Variants in DHX35 observed in about 807,000 individuals in gnomAD.
The protein encoded by DHX35 is DEAH-box helicase 35.
Under a neutral mutation model 99.6 loss-of-function variants are expected in DHX35, and 84 were observed. That is an observed-to-expected ratio of 0.84 (90% CI 0.71 to 1.01). The LOEUF is 1.01. Among genes scored for constraint, DHX35 ranks in the 50% least tolerant of loss-of-function variants. The probability of loss-of-function intolerance (pLI) is 0.00; values close to 1 mark genes in which losing one functional copy is unlikely to be tolerated. For synonymous variants in DHX35, 331 were observed against 316.2 expected (o/e 1.05, Z -0.50); for missense variants, 852 against 888.5 (o/e 0.96, Z 0.52).
chr20:39,018,897 C>T lies in DHX35; in HGVS notation c.1496C>T (p.Ser499Leu). ...NPMFAKMLLE[S>L]GNFGCSQEIL... ...ATGTTTGCCAAAATGCTGCTTGAAT[C>T]AGGTGGGTAGAGCCTGATAGCTTGA... is the stretch of plus-strand genomic sequence containing the variant. Residue 499 changes from serine to leucine, a missense_variant and splice_region_variant, in exon 15 of 22, where the codon TCA becomes TTA. Ser to Leu is a moderately radical substitution (Grantham distance 145). Transcript: ENST00000252011. 1.2e-6 allele frequency: 2 copies of T among 1,613,888 alleles called. No individual in the cohort carries two copies. The highest frequency in any genetic ancestry group is 1.1e-5 in the South Asian group (1 of 91,068).
At chr20:39,030,304 T>TA (rs1227574270) in intron 19 of DHX35, 1 of 164,330 alleles carries the variant, frequency 6.1e-6, no homozygotes, top group Non-Finnish European at 1.3e-5. Context: ...TCATTATCGT[T>TA]ACGTCCCCCT....
chr20:38,997,206 G>A (rs1033686727), intron 8 of DHX35, among the ~76,000 whole-genome samples: 2 of 152,060 alleles, frequency 1.3e-5, no homozygotes, highest in South Asian at 4.1e-4. Flanking sequence ...AAGTAGCTGG[G>A]ACTGCAGGCA....
chr20:38,970,283 A>G (rs1231083110), intron 2 of DHX35, among the ~76,000 whole-genome samples: 1 of 152,088 alleles, frequency 6.6e-6, no homozygotes, highest in African/African-American at 2.4e-5. Context: ...TCTTCTATTA[A>G]TGTGTTCTTT....
At chr20:38,971,102 A>G (rs1053975512) in intron 2 of DHX35, among the ~76,000 whole-genome samples, 5 of 152,132 alleles carry the variant, frequency 3.3e-5, no homozygotes, top group African/African-American at 4.8e-5. Context: ...CTGTAATCCT[A>G]TAGGCTTTGG....
At chr20:39,035,509 C>T (rs1483027986) in intron 21 of DHX35, among the ~76,000 whole-genome samples, 2 of 152,356 alleles carry the variant, frequency 1.3e-5, no homozygotes, top group South Asian at 4.1e-4. Context: ...CAGAATTGGA[C>T]TACACAATGT....
chr20:38,990,262 C>A (rs1484852653), intron 5 of DHX35, among the ~76,000 whole-genome samples: 2 of 152,074 alleles, frequency 1.3e-5, no homozygotes, highest in Non-Finnish European at 2.9e-5. Context: ...GCAGCTAGTA[C>A]CAGGTCCAAG....
intron 21 of DHX35, among the ~76,000 whole-genome samples, chr20:39,037,518 C>G (rs1222961252): frequency 6.6e-6 from 1 of 152,148 alleles, no homozygotes; most frequent in African/African-American, 2.4e-5. Context: ...TTCACGCCCT[C>G]CATTTTTTCA....
At chr20:39,022,410 C>T (rs2086888304) in intron 16 of DHX35, among the ~76,000 whole-genome samples, 1 of 152,138 alleles carries the variant, frequency 6.6e-6, no homozygotes, top group Non-Finnish European at 1.5e-5. Context: ...CCGCCCTTGA[C>T]CTCCCAAAGT....
intron 15 of DHX35, among the ~76,000 whole-genome samples, chr20:39,019,702 TTTTGTGCTAAGAA>T (rs2086841979): frequency 6.6e-6 from 1 of 152,250 alleles, no homozygotes; most frequent in South Asian, 2.1e-4. Flanking sequence ...TTATCATTTT[TTTTGTGCTAAGAA>T]TTTGTGCTAA....
rs758290799 is a variant in DHX35, at chr20:38,991,534, T to C, written c.512+19T>C. ...AATATAGGTAAATGTGTTTTTCTTATGATAGCTTTCCTAGTTTCCAAAGTC... is the reference window on the plus strand; with the variant it reads ...AATATAGGTAAATGTGTTTTTCTTACGATAGCTTTCCTAGTTTCCAAAGTC... On this transcript the variant is annotated intron_variant, in intron 6 of 21. Coordinates refer to ENST00000252011, the MANE Select transcript of DHX35 (RefSeq NM_021931.4). 9 of 1,610,384 alleles carry C rather than the reference T, an allele frequency of 5.6e-6. No homozygotes were observed. The highest frequency in any genetic ancestry group is 1.3e-5 in the African/African-American group (1 of 74,786).
intron 15 of DHX35, among the ~76,000 whole-genome samples, chr20:39,021,251 C>G (rs2086867912): frequency 6.6e-6 from 1 of 152,222 alleles, no homozygotes; most frequent in African/African-American, 2.4e-5. Context: ...CCTGTCCCCT[C>G]TCGGACTTCC....
rs377269821 is a variant in DHX35 at position 38,984,867 on chromosome 20, C to CT, written c.345+1093dup. On this transcript the variant is annotated intron_variant, in intron 4 of 21. Transcript: ENST00000252011. ...TGAATTGCTTGTTTTGCTTTTATTT[C>CT]TTGTATTGGCTGAATTTTATCATTC... Among the ~76,000 whole-genome samples, 22 of 145,966 alleles carry CT rather than the reference C, an allele frequency of 1.5e-4. 1 individual carries two copies. The highest frequency in any genetic ancestry group is 5.6e-4 in the African/African-American group (22 of 39,600).
intron 4 of DHX35, among the ~76,000 whole-genome samples, chr20:38,984,316 A>G (rs548887451): frequency 1.3e-5 from 2 of 152,368 alleles, no homozygotes; most frequent in South Asian, 4.1e-4. Context: ...AAAAAACAAT[A>G]TATTTTTAAA....
chr20:39,021,915 C>T lies in DHX35; in HGVS notation c.1573C>T (p.Pro525Ser), dbSNP rs577076400. Reference sequence around the variant, plus strand: ...GATCCAGAATATCTTTGTGGTCCCCCCAAACCAGAAGTCTCACGCAGTAAG... The same window carrying T: ...GATCCAGAATATCTTTGTGGTCCCCTCAAACCAGAAGTCTCACGCAGTAAG... ...MQIQNIFVVPPNQKSHAIRVH... is the reference protein window; with the variant it reads ...MQIQNIFVVPSNQKSHAIRVH... The change falls in exon 16 of 22, where the codon CCA becomes TCA. Residue 525 changes from proline to serine, a missense_variant. By Grantham distance (74) the Pro-to-Ser change is moderately conservative (BLOSUM62 -1). Coordinates refer to ENST00000252011, the MANE Select transcript of DHX35 (RefSeq NM_021931.4). 6.2e-7 allele frequency: 1 copy of T among 1,614,000 alleles called. No individual in the cohort carries two copies. Among genetic ancestry groups the T allele is most frequent in the East Asian group, 2.2e-5 (1 of 44,888 alleles).
intron 7 of DHX35, among the ~76,000 whole-genome samples, chr20:38,992,797 T>C (rs1275839296): frequency 6.6e-6 from 1 of 152,244 alleles, no homozygotes; most frequent in Non-Finnish European, 1.5e-5. Context: ...ATCACATCTC[T>C]ATCATAAAGT....
At chr20:38,964,988 T>G (rs2085889833) in intron 1 of DHX35, among the ~76,000 whole-genome samples, 1 of 152,230 alleles carries the variant, frequency 6.6e-6, no homozygotes, top group African/African-American at 2.4e-5. Context: ...TTAGTGATTC[T>G]CTAATTTTGC....
At chr20:39,012,169 AAC>A (rs1365251099) in intron 13 of DHX35, among the ~76,000 whole-genome samples, 1 of 152,182 alleles carries the variant, frequency 6.6e-6, no homozygotes, top group African/African-American at 2.4e-5. Context: ...GAAACGCTTG[AAC>A]CCGGGAGGTG....
chr20:39,038,333 C>A (rs148518912), intron 21 of DHX35, among the ~76,000 whole-genome samples, 166 bp from the exon 22 acceptor site: 3 of 152,368 alleles, frequency 2.0e-5, no homozygotes, highest in Non-Finnish European at 4.4e-5. Flanking sequence ...CTTCATTGGC[C>A]ACTTGGGCTT....
Position 39,034,236 on chromosome 20 carries a change from C to T in DHX35, c.1986C>T (p.Ser662=). 1 of 1,614,144 alleles carries T rather than the reference C, an allele frequency of 6.2e-7. No individual in the cohort carries two copies. The highest frequency in any genetic ancestry group is 8.5e-7 in the Non-Finnish European group (1 of 1,180,032). Residue 662 remains serine, a synonymous_variant, in exon 21 of 22, where the codon TCC becomes TCT. Transcript: ENST00000252011. ...TCTATAACGAAGTTATACAGACCTC[C>T]AAGTACTACATGAGAGATGTGACTG... ...WVIYNEVIQT[S]KYYMRDVTAI...
Sources: gnomAD v4.1 joint callset for allele counts (sites outside exome capture counted in the v4.1 genomes callset) on GRCh38, gnomAD v4.1.1 for gene constraint, MANE v1.5 for transcripts, NCBI Gene and HGNC (gene_info 2026-07-23, HGNC 2026-07-21) for gene names.